Variants in RBFOX1 observed in about 807,000 individuals in gnomAD.
RBFOX1 encodes the protein RNA binding protein fox-1 homolog 1.
Under a neutral mutation model 57.7 loss-of-function variants are expected in RBFOX1, and 8 were observed. The observed-to-expected ratio is 0.14, with a 90% confidence interval of 0.08 to 0.25. RBFOX1 has a LOEUF of 0.25. Ranked by LOEUF, RBFOX1 falls within the 10% of genes least tolerant of loss-of-function variation. The pLI is 1.00. For missense variants in RBFOX1, 611 were observed against 548.5 expected (o/e 1.11, Z -1.14); for synonymous variants, 326 against 222.4 (o/e 1.47, Z -4.15).
chr16:7,553,615 G>A (rs1485812484), intron 5 of RBFOX1, among the ~76,000 whole-genome samples: 2 of 152,158 alleles, frequency 1.3e-5, no homozygotes, highest in African/African-American at 4.8e-5. Flanking sequence ...ATCTGCAAGT[G>A]GCCAGTGCAC....
At chr16:7,462,495 CA>C (rs941485146) in intron 4 of RBFOX1, among the ~76,000 whole-genome samples, 2 of 152,148 alleles carry the variant, frequency 1.3e-5, no homozygotes, top group African/African-American at 4.8e-5. Flanking sequence ...TGTTTCAAAA[CA>C]AAAACAAAAC....
intron 1 of RBFOX1, among the ~76,000 whole-genome samples, chr16:6,099,791 C>G (rs926010039): frequency 1.8e-4 from 27 of 152,140 alleles, no homozygotes; most frequent in African/African-American, 6.3e-4. Context: ...AAACCCTAAC[C>G]CAACTCCGGG....
intron 4 of RBFOX1, 116 bp from the exon 5 acceptor site, chr16:7,518,031 A>G: frequency 7.6e-7 from 1 of 1,316,918 alleles, no homozygotes; most frequent in Non-Finnish European, 1.0e-6. Flanking sequence ...TGGTGGCACC[A>G]TGGTGACCCC....
chr16:7,437,638 T>C (rs1294019804), intron 4 of RBFOX1, among the ~76,000 whole-genome samples: 1 of 152,176 alleles, frequency 6.6e-6, no homozygotes, highest in Non-Finnish European at 1.5e-5. Context: ...GTAATTAGAA[T>C]AAGTCAAATC....
In RBFOX1 at chr16:5,497,638, A is replaced by AAAAAAAAAT. The variant is rs71142625; in HGVS notation, c.258+30384_258+30385insAAAAAAAAT. On this transcript the variant is annotated intron_variant, in intron 2 of 2. Coordinates refer to the RBFOX1 transcript ENST00000585867. Reference sequence around the variant, plus strand: ...CTAAAAATACAAAAAAAAAAAAAAAAGCTGGGCATGGTGGCACACACTCCC... The same window carrying AAAAAAAAAT: ...CTAAAAATACAAAAAAAAAAAAAAAAAAAAAAAATGCTGGGCATGGTGGCACACACTCCC... Among the ~76,000 whole-genome samples, 132 of 139,434 alleles carry AAAAAAAAAT rather than the reference A, an allele frequency of 9.5e-4. 6 individuals are homozygous for AAAAAAAAAT. The highest frequency in any genetic ancestry group is 3.6e-3 in the African/African-American group (123 of 33,750). 91.5% of individuals were successfully genotyped at this position (139,434 alleles called of 152,430 possible).
chr16:7,439,518 C>T (rs572012429), intron 4 of RBFOX1, among the ~76,000 whole-genome samples: 16 of 152,248 alleles, frequency 1.1e-4, no homozygotes, highest in Non-Finnish European at 2.2e-4. Context: ...ATCTCCAGGC[C>T]TTGTAAGTCG....
At chr16:6,235,664 A>G (rs935115496) in intron 1 of RBFOX1, among the ~76,000 whole-genome samples, 2 of 151,790 alleles carry the variant, frequency 1.3e-5, no homozygotes, top group African/African-American at 4.9e-5. Context: ...ATATGATAGG[A>G]TGCTACTTAG....
At chr16:6,808,668 A>G (rs559439936) in intron 3 of RBFOX1, among the ~76,000 whole-genome samples, 1 of 152,280 alleles carries the variant, frequency 6.6e-6, no homozygotes, top group South Asian at 2.1e-4. Context: ...TACCAGGCAG[A>G]AAAATGGTAT....
intron 1 of RBFOX1, among the ~76,000 whole-genome samples, chr16:6,182,978 C>T (rs1280716040): frequency 1.3e-5 from 2 of 152,022 alleles, no homozygotes; most frequent in Non-Finnish European, 2.9e-5. Context: ...TGAAAAGAAA[C>T]CCAGAAATGT....
At chr16:5,459,866 C>G (rs1294693712) in intron 1 of RBFOX1, among the ~76,000 whole-genome samples, 1 of 152,124 alleles carries the variant, frequency 6.6e-6, no homozygotes, top group African/African-American at 2.4e-5. Flanking sequence ...TTTCTCGAGT[C>G]TCTCTCCTTC....
At chr16:5,279,261 C>G (rs2063214028) in intron 1 of RBFOX1, among the ~76,000 whole-genome samples, 3 of 152,022 alleles carry the variant, frequency 2.0e-5, no homozygotes, top group African/African-American at 4.8e-5. Flanking sequence ...TTTATTTTAT[C>G]AGTGTTTTGT....
chr16:7,021,992 C>G (rs2039335427), intron 3 of RBFOX1, among the ~76,000 whole-genome samples: 1 of 39,782 alleles, frequency 2.5e-5, no homozygotes, highest in Non-Finnish European at 4.3e-5. Flanking sequence ...CTCCCCTTCC[C>G]CCTCCCCCTC....
Position 7,567,329 on chromosome 16 carries a change from A to G in RBFOX1, c.271-12448A>G, listed in dbSNP as rs1461006841. 4.2e-5 allele frequency among the ~76,000 whole-genome samples: 2 copies of G among 47,682 alleles called. 1 individual carries two copies. The highest frequency in any genetic ancestry group is 1.0e-4 in the Non-Finnish European group (2 of 19,328). The allele number at this position is 47,682 out of a possible 152,430, so 31.3% of individuals were successfully genotyped here. On this transcript the variant is annotated intron_variant, in intron 5 of 15. Coordinates refer to ENST00000550418, the MANE Select transcript of RBFOX1 (RefSeq NM_018723.4). ...TATATATATATATATATATCTCCCT[A>G]TATATGGCCCTATATATATATCCCT...
At chr16:6,236,308 T>C (rs1430961210) in intron 1 of RBFOX1, among the ~76,000 whole-genome samples, 4 of 152,166 alleles carry the variant, frequency 2.6e-5, no homozygotes. Flanking sequence ...TGGTCCCATT[T>C]GTGAAACAGG....
chr16:5,646,192 T>TG (rs2049050295), intron 3 of RBFOX1, among the ~76,000 whole-genome samples: 3 of 150,100 alleles, frequency 2.0e-5, no homozygotes, highest in African/African-American at 7.4e-5. Context: ...ATTTTTTTTT[T>TG]TTTTTTGTAT....
chr16:7,035,977 C>G (rs542264418), intron 3 of RBFOX1, among the ~76,000 whole-genome samples: 2 of 152,234 alleles, frequency 1.3e-5, no homozygotes, highest in African/African-American at 2.4e-5. Flanking sequence ...AAAATGAATA[C>G]TCCTCAAGTT....
rs111441327 is a variant in RBFOX1 at position 7,685,028 on chromosome 16, T to C, written c.995+8190T>C. The stretch of plus-strand genomic sequence containing the variant: ...GCCTGCAGAGCCTTGCCTTGTAAAG[T>C]GTAGTTTCCAGACCAACACCATTGG... On this transcript the variant is annotated intron_variant, in intron 14 of 15. Transcript: ENST00000550418. Among the ~76,000 whole-genome samples, 1,066 of 152,188 alleles carry C rather than the reference T, an allele frequency of 7.0e-3. 8 individuals are homozygous for C. Among genetic ancestry groups the C allele is most frequent in the Non-Finnish European group, 0.011 (718 of 67,976 alleles).
intron 3 of RBFOX1, among the ~76,000 whole-genome samples, chr16:6,702,850 C>G (rs11865133): frequency 3.3e-5 from 5 of 152,172 alleles, no homozygotes; most frequent in African/African-American, 7.2e-5. Flanking sequence ...TGTTGTGCGA[C>G]CATCACCACC....
chr16:6,553,922 A>G (rs34341983), intron 2 of RBFOX1, among the ~76,000 whole-genome samples: 4 of 152,180 alleles, frequency 2.6e-5, no homozygotes, highest in Non-Finnish European at 4.4e-5. Context: ...TACCTAAATC[A>G]TTCCCAACAA....
Sources: gnomAD v4.1 joint callset for allele counts (sites outside exome capture counted in the v4.1 genomes callset) on GRCh38, gnomAD v4.1.1 for gene constraint, MANE v1.5 for transcripts, NCBI Gene and HGNC (gene_info 2026-07-23, HGNC 2026-07-21) for gene names.